APC2: variants seen among roughly 807,000 people sequenced by gnomAD.
APC2 encodes the protein adenomatous polyposis coli protein 2.
APC2 carries 41 observed loss-of-function variants against 72.5 expected under a neutral mutation model. The observed-to-expected ratio is 0.57, with a 90% confidence interval of 0.44 to 0.73. APC2 has a LOEUF of 0.73. Among genes scored for constraint, APC2 ranks in the 30% least tolerant of loss-of-function variants. The pLI is 0.00. For missense variants in APC2, 3,729 were observed against 3,403.4 expected (o/e 1.10, Z -2.38); for synonymous variants, 1,898 against 1,612.0 (o/e 1.18, Z -4.25).
In APC2 at chr19:1,467,854, C is replaced by T. The variant is rs1170805993; in HGVS notation, c.4553C>T (p.Pro1518Leu). ...CFYGNDSDEE[P>L]PAAAPTPTHR... The stretch of plus-strand genomic sequence containing the variant: ...TACGGCAACGACTCGGACGAGGAGC[C>T]CCCGGCGGCCGCGCCCACGCCAACC... Residue 1518 changes from proline to leucine, a missense_variant, in exon 15 of 15, where the codon CCC (proline) becomes CTC (leucine). Transcript: ENST00000590469. The T allele has an allele frequency of 6.5e-7, 1 of 1,545,490 alleles. No homozygotes were observed. The highest frequency in any genetic ancestry group is 1.9e-5 in the Admixed American group (1 of 53,422).
At position 1,468,014 on chromosome 19, in the gene APC2, C is replaced by G. The variant is rs776173993; in HGVS notation, c.4713C>G (p.Asp1571Glu). The G allele has an allele frequency of 1.9e-6, 3 of 1,586,104 alleles. No homozygotes were observed. Among genetic ancestry groups the G allele is most frequent in the African/African-American group, 1.4e-5 (1 of 72,470 alleles). Residue 1571 changes from aspartate to glutamate, a missense_variant, in exon 15 of 15, where the codon GAC (aspartate) becomes GAG (glutamate). By Grantham distance (45) the Asp-to-Glu change is conservative (BLOSUM62 2). Transcript: ENST00000590469. ...GGACCCAGCCCAGCCTCATTGCTGACGAGACCCCGCCCTGCTACTCCCTGA... is the reference window on the plus strand; with the variant it reads ...GGACCCAGCCCAGCCTCATTGCTGAGGAGACCCCGCCCTGCTACTCCCTGA... ...PARTQPSLIA[D>E]ETPPCYSLSS...
rs2083864102 is a variant in APC2, at chr19:1,457,951, C to T, written c.1208-14C>T. ...CTGGGAATGGGGGCTCTGATCTGGT[C>T]CCTGTGCCCACAGCCCCGATCCCCA... On this transcript the variant is annotated splice_polypyrimidine_tract_variant and intron_variant, in intron 9 of 14. Transcript: ENST00000590469. 3 of 1,542,154 alleles carry T rather than the reference C, an allele frequency of 1.9e-6. No individual in the cohort carries two copies. Among genetic ancestry groups the T allele is most frequent in the Non-Finnish European group, 2.6e-6 (3 of 1,146,490 alleles).
chr19:1,460,122 G>A (rs1053371652), intron 10 of APC2, 59 bp from the exon 11 acceptor site: 5 of 1,606,868 alleles, frequency 3.1e-6, no homozygotes, highest in Admixed American at 1.7e-5. Context: ...GTGAGGTGGG[G>A]CGCTGGGCAG....
upstream of APC2, among the ~76,000 whole-genome samples, chr19:1,448,853 AAAAAG>A (rs1420722633): frequency 2.7e-5 from 4 of 149,374 alleles, no homozygotes; most frequent in East Asian, 7.7e-4. Flanking sequence ...CAAAAAAAAA[AAAAAG>A]AAAAAAAAGA....
Position 1,458,042 on chromosome 19 carries a change from C to A in APC2, c.1285C>A (p.Arg429Ser), listed in dbSNP as rs868027511. The change falls in exon 10 of 15, where the codon CGT (arginine) becomes AGT (serine). Residue 429 changes from arginine (R) to serine (S), a missense_variant. Physicochemically the swap from Arg to Ser is moderately radical, Grantham distance 110. Transcript: ENST00000590469. ...MKLSFDEEYR[R>S]AMNELGGLQA... The stretch of plus-strand genomic sequence containing the variant: ...GCTGTCCTTTGATGAGGAGTACCGC[C>A]GTGCCATGAACGAGCTAGGTGAGTG... 2 of 1,564,264 alleles carry A rather than the reference C, an allele frequency of 1.3e-6. No individual in the cohort carries two copies. Among genetic ancestry groups the A allele is most frequent in the Non-Finnish European group, 1.7e-6 (2 of 1,153,218 alleles).
chr19:1,461,656 T>C (rs1196642657), intron 13 of APC2: 3 of 375,508 alleles, frequency 8.0e-6, no homozygotes, highest in South Asian at 7.3e-5. Context: ...ATCGAGACCA[T>C]CCTGGCTAAC....
intron 13 of APC2, chr19:1,461,667 ACG>A (rs2083926038): frequency 2.4e-6 from 1 of 410,272 alleles, no homozygotes; most frequent in African/African-American, 2.1e-5. Context: ...CCTGGCTAAC[ACG>A]GTGAAACCCC....
rs746335517 is a variant in APC2, at chr19:1,466,095, G to A, written c.2794G>A (p.Ala932Thr). The change falls in exon 15 of 15, where the codon GCC (alanine) becomes ACC (threonine). Residue 932 changes from alanine (A) to threonine (T), a missense_variant. Physicochemically the swap from Ala to Thr is moderately conservative, Grantham distance 58 (BLOSUM62 0). Transcript: ENST00000590469. ...CAACGACAGCCTCAACAGCGGCAGT[G>A]CCAGCGACGGGTACTGCCCACGCGA... ...LSNDSLNSGS[A>T]SDGYCPREHM... is the part of the protein sequence containing the mutation. 1.4e-5 allele frequency: 22 copies of A among 1,539,088 alleles called. No homozygotes were observed. Among genetic ancestry groups the A allele is most frequent in the Non-Finnish European group, 1.6e-5 (19 of 1,152,740 alleles).
intron 11 of APC2, 142 bp downstream of exon 11, chr19:1,460,462 C>A: frequency 7.5e-7 from 1 of 1,337,310 alleles, no homozygotes; most frequent in Non-Finnish European, 1.0e-6. Context: ...TAGACTGAGG[C>A]CCAGAGAGTG....
At chr19:1,448,461 A>G (rs531943374), upstream of APC2, among the ~76,000 whole-genome samples, 57 of 150,718 alleles carry the variant, frequency 3.8e-4, no homozygotes, top group Middle Eastern at 3.4e-3. Flanking sequence ...CAGGAGAATC[A>G]CTTGAACCCA....
chr19:1,460,868 G>T lies in APC2; in HGVS notation c.1521+11G>T. Reference sequence around the variant, plus strand: ...GAGGAGCTCCACCAGGTACAGGGCGGGGTGCTGGGAAAGCCTTCCAGGGTG... The same window carrying T: ...GAGGAGCTCCACCAGGTACAGGGCGTGGTGCTGGGAAAGCCTTCCAGGGTG... On this transcript the variant is annotated intron_variant, in intron 12 of 14. Transcript: ENST00000590469. 1 of 1,613,198 alleles carries T rather than the reference G, an allele frequency of 6.2e-7. No homozygotes were observed. The highest frequency in any genetic ancestry group is 1.1e-5 in the South Asian group (1 of 91,084).
Position 1,469,841 on chromosome 19 carries a change from G to A in APC2, c.6540G>A (p.Gly2180=). ...RGSTPEDAPA[G]PPPRKTSDAV... Reference sequence around the variant, plus strand: ...CCACGCCCGAGGACGCCCCGGCCGGGCCCCCGCCGCGCAAGACCAGCGACG... The same window carrying A: ...CCACGCCCGAGGACGCCCCGGCCGGACCCCCGCCGCGCAAGACCAGCGACG... The change falls in exon 15 of 15, where the codon GGG becomes GGA. Residue 2180 remains glycine, a synonymous_variant. Transcript: ENST00000590469. 1.3e-6 allele frequency: 2 copies of A among 1,518,924 alleles called. No homozygotes were observed. The highest frequency in any genetic ancestry group is 2.6e-5 in the East Asian group (1 of 38,694). The allele number at this position is 1,518,924 out of a possible 1,614,324, so 94.1% of individuals were successfully genotyped here.
chr19:1,469,588 TC>T lies in APC2; in HGVS notation c.6288del (p.Lys2097SerfsTer238). The T allele has an allele frequency of 7.9e-7, 1 of 1,260,130 alleles. No individual in the cohort carries two copies. The highest frequency in any genetic ancestry group is 1.8e-5 in the South Asian group (1 of 54,642). The allele number at this position is 1,260,130 out of a possible 1,614,324, so 78.1% of individuals were successfully genotyped here. A position where few individuals can be genotyped will look rare whatever the true frequency, so the allele number is the denominator to read the frequency against. ...VRAPAARPET[V>X]KRYASLPHIS... ...GCGCCCGCCGCCCGGCCGGAGACTG[TC>T]AAGCGCTACGCGTCGCTGCCGCACA... On this transcript the variant is annotated frameshift_variant, in exon 15 of 15. Coordinates refer to ENST00000590469, the MANE Select transcript of APC2 (RefSeq NM_005883.3). LOFTEE classifies it low-confidence loss of function (END_TRUNC).
At chr19:1,448,720 T>C (rs1262574052), upstream of APC2, among the ~76,000 whole-genome samples, 4 of 150,230 alleles carry the variant, frequency 2.7e-5, no homozygotes, top group Non-Finnish European at 4.4e-5. Context: ...GGCGGGCGCC[T>C]GTAGTCCCAG....
upstream of APC2, among the ~76,000 whole-genome samples, chr19:1,449,079 T>A (rs1437450968): frequency 6.6e-6 from 1 of 152,198 alleles, no homozygotes; most frequent in African/African-American, 2.4e-5. Flanking sequence ...TGCCTTTGTC[T>A]ACGGGGCCTT....
rs1304755012 is a variant in APC2 at position 1,469,254 on chromosome 19, T to C, written c.5953T>C (p.Ser1985Pro). 7.0e-7 allele frequency: 1 copy of C among 1,426,806 alleles called. No individual in the cohort carries two copies. The highest frequency in any genetic ancestry group is 9.2e-7 in the Non-Finnish European group (1 of 1,088,544). The allele number at this position is 1,426,806 out of a possible 1,614,324, so 88.4% of individuals were successfully genotyped here. ...VASALSSGSESSDRSGFRRQL... is the reference protein window; with the variant it reads ...VASALSSGSEPSDRSGFRRQL... ...CTCAGCCCTCTCCAGCGGCAGCGAG[T>C]CCTCCGACCGCTCGGGCTTCCGGCG... The change falls in exon 15 of 15, where the codon TCC (serine) becomes CCC (proline). Residue 1985 changes from serine (S) to proline (P), a missense_variant. Ser to Pro is a moderately conservative substitution (Grantham distance 74). Transcript: ENST00000590469.
At chr19:1,464,098 C>T (rs1222203054) in intron 14 of APC2, among the ~76,000 whole-genome samples, 2 of 152,048 alleles carry the variant, frequency 1.3e-5, no homozygotes, top group African/African-American at 2.4e-5. Context: ...CACCTGAGGT[C>T]AGGAGTTTGA....
chr19:1,461,734 C>G, intron 13 of APC2: 1 of 543,048 alleles, frequency 1.8e-6, no homozygotes, highest in South Asian at 2.5e-5. Flanking sequence ...TGTCTGTAGT[C>G]CCAGCTACTC....
At position 1,453,544 on chromosome 19, in the gene APC2, T is replaced by C; in HGVS notation, c.346T>C (p.Ser116Pro). 6.2e-7 allele frequency: 1 copy of C among 1,611,582 alleles called. No homozygotes were observed. The highest frequency in any genetic ancestry group is 8.5e-7 in the Non-Finnish European group (1 of 1,179,542). ...CAGCCCAGTACACGGCTCCGGGCCC[T>C]CCAAGGACAGCTTTGGGGAGCTGAG... ...EGSPVHGSGPSKDSFGELSRA... is the reference protein window; with the variant it reads ...EGSPVHGSGPPKDSFGELSRA... Residue 116 changes from serine (S) to proline (P), a missense_variant, in exon 4 of 15, where the codon TCC becomes CCC. By Grantham distance (74) the Ser-to-Pro change is moderately conservative. Coordinates refer to ENST00000590469, the MANE Select transcript of APC2 (RefSeq NM_005883.3).
Sources: allele counts gnomAD v4.1 joint callset (sites outside exome capture counted in the v4.1 genomes callset), GRCh38; gene constraint gnomAD v4.1.1; transcripts MANE v1.5; gene names NCBI Gene and HGNC (gene_info 2026-07-23, HGNC 2026-07-21).